The following HS3ST3A1 variants were observed in gnomAD, a reference collection of about 807,000 sequenced individuals.
HS3ST3A1 encodes the protein heparan sulfate-glucosamine 3-sulfotransferase 3A1.
HS3ST3A1 carries 19 observed loss-of-function variants against 25.7 expected under a neutral mutation model. The ratio of observed to expected loss-of-function variants is 0.74; its 90% CI spans 0.52 to 1.08. The LOEUF is 1.08. Ranked by LOEUF, HS3ST3A1 falls within the 50% of genes least tolerant of loss-of-function variation. The probability of loss-of-function intolerance (pLI) is 0.00; values close to 1 mark genes in which losing one functional copy is unlikely to be tolerated. For synonymous variants in HS3ST3A1, 226 were observed against 278.6 expected (o/e 0.81, Z 1.88); for missense variants, 459 against 594.3 (o/e 0.77, Z 2.37).
At chr17:13,509,267 G>T (rs1905784257) in intron 1 of HS3ST3A1, among the ~76,000 whole-genome samples, 1 of 152,100 alleles carries the variant, frequency 6.6e-6, no homozygotes, top group African/African-American at 2.4e-5. Flanking sequence ...ATATGAAAAT[G>T]ACATTTTCAG....
intron 1 of HS3ST3A1, among the ~76,000 whole-genome samples, chr17:13,548,982 C>A (rs529826959): frequency 3.1e-4 from 47 of 152,202 alleles, no homozygotes; most frequent in Non-Finnish European, 5.7e-4. Flanking sequence ...AAAAACTGGC[C>A]ACCCGAGCCC....
At chr17:13,570,749 G>A (rs1907782479) in intron 1 of HS3ST3A1, among the ~76,000 whole-genome samples, 1 of 152,084 alleles carries the variant, frequency 6.6e-6, no homozygotes, top group Non-Finnish European at 1.5e-5. Context: ...GGATTACGGG[G>A]GTGAGCCACT....
At chr17:13,570,343 G>C (rs937594134) in intron 1 of HS3ST3A1, among the ~76,000 whole-genome samples, 2 of 149,800 alleles carry the variant, frequency 1.3e-5, no homozygotes, top group Non-Finnish European at 2.9e-5. Flanking sequence ...TGTCCTAAAA[G>C]TGAAAAGAAT....
intron 1 of HS3ST3A1, among the ~76,000 whole-genome samples, chr17:13,541,396 A>G (rs1223409363): frequency 6.6e-6 from 1 of 151,848 alleles, no homozygotes; most frequent in African/African-American, 2.4e-5. Context: ...CCCCATTTCC[A>G]CCTCTTTTTA....
At position 13,504,255 on chromosome 17, in the gene HS3ST3A1, C is replaced by CGCA. The variant is rs1722582308; in HGVS notation, c.600-7440_600-7438dup. On this transcript the variant is annotated intron_variant, in intron 1 of 1. Transcript: ENST00000284110. The stretch of plus-strand genomic sequence containing the variant: ...TAACTTGAACCCAGGAAGTGGAGGT[C>CGCA]GCAGTGAGCTGAGATCACACCACTG... Among the ~76,000 whole-genome samples the CGCA allele has an allele frequency of 5.3e-5, 8 of 152,150 alleles. No individual in the cohort carries two copies. The South Asian group carries it at 1.7e-3, about 32-fold the overall frequency.
intron 1 of HS3ST3A1, among the ~76,000 whole-genome samples, chr17:13,510,700 T>C (rs1328256374): frequency 2.8e-5 from 4 of 145,016 alleles, no homozygotes; most frequent in Non-Finnish European, 6.1e-5. Flanking sequence ...AATATCTCAG[T>C]GTCCTTGATT....
intron 1 of HS3ST3A1, among the ~76,000 whole-genome samples, chr17:13,559,766 C>T (rs16948117): frequency 6.6e-6 from 1 of 151,856 alleles, no homozygotes; most frequent in Non-Finnish European, 1.5e-5. Context: ...GAAGCACAGG[C>T]TATCCCTAAG....
chr17:13,591,074 T>C (rs1908412345), intron 1 of HS3ST3A1, among the ~76,000 whole-genome samples: 1 of 145,144 alleles, frequency 6.9e-6, no homozygotes, highest in Admixed American at 6.9e-5. Context: ...TGAGACAGAG[T>C]CTCACTCTGT....
intron 1 of HS3ST3A1, among the ~76,000 whole-genome samples, chr17:13,540,139 G>A (rs776348930): frequency 1.6e-4 from 24 of 152,154 alleles, no homozygotes; most frequent in Non-Finnish European, 2.5e-4. Context: ...GAAAGTAAAC[G>A]ATTTCTTTCT....
intron 1 of HS3ST3A1, among the ~76,000 whole-genome samples, chr17:13,539,468 C>G (rs1906866856): frequency 6.6e-6 from 1 of 152,216 alleles, no homozygotes; most frequent in Non-Finnish European, 1.5e-5. Context: ...TTAGTGGTCA[C>G]TCTCCATAAT....
At chr17:13,585,785 C>A (rs146655821) in intron 1 of HS3ST3A1, among the ~76,000 whole-genome samples, 2,028 of 149,168 alleles carry the variant, frequency 0.014, 160 homozygotes, top group Admixed American at 0.13. Context: ...TTCCACTTTA[C>A]GTGTATGAAA....
rs1289462496 is a variant in HS3ST3A1, at chr17:13,579,865, G to A, written c.599+20666C>T. Among the ~76,000 whole-genome samples the A allele has an allele frequency of 4.1e-5, 6 of 146,334 alleles. No homozygotes were observed. The South Asian group carries it at 1.1e-3, about 26-fold the overall frequency. ...CGCTTGCCTGTAATCCCAGTTATTCGGGAGCCTGGGAGGCAGAGGTTGCAG... is the reference window on the plus strand; with the variant it reads ...CGCTTGCCTGTAATCCCAGTTATTCAGGAGCCTGGGAGGCAGAGGTTGCAG... On this transcript the variant is annotated intron_variant, in intron 1 of 1. Transcript: ENST00000284110.
rs60532842 is a variant in HS3ST3A1, at chr17:13,600,877, C to A, written c.253G>T (p.Ala85Ser). 17,991 of 1,464,872 alleles carry A rather than the reference C, an allele frequency of 0.012. 458 individuals are homozygous for A. Among genetic ancestry groups the A allele is most frequent in the East Asian group, 0.12 (4,103 of 34,664 alleles). The allele number at this position is 1,464,872 out of a possible 1,614,324, so 90.7% of individuals were successfully genotyped here. A position where few individuals can be genotyped will look rare whatever the true frequency, so the allele number is the denominator to read the frequency against. The change falls in exon 1 of 2, where the codon GCA (alanine) becomes TCA (serine). Residue 85 changes from alanine (A) to serine (S), a missense_variant. Physicochemically the swap from Ala to Ser is moderately conservative, Grantham distance 99 (BLOSUM62 1). This residue lies in a region of HS3ST3A1 where 346 missense variants were observed against 303.9 expected (regional missense o/e 1.14). Coordinates refer to ENST00000284110, the MANE Select transcript of HS3ST3A1 (RefSeq NM_006042.3). ...AGTTGCAGGAGGCGCTTTCTCTGTG[C>A]CGCCGCCGGCCACACCGCCAGCTCC... ...PRELAVWPAA[A>S]QRKRLLQLPQ...
At chr17:13,525,270 C>T (rs1906374064) in intron 1 of HS3ST3A1, among the ~76,000 whole-genome samples, 1 of 152,040 alleles carries the variant, frequency 6.6e-6, no homozygotes, top group Admixed American at 6.6e-5. Context: ...TTTCTTTATA[C>T]CTTAACCATA....
At chr17:13,568,030 A>T (rs1907718080) in intron 1 of HS3ST3A1, among the ~76,000 whole-genome samples, 1 of 152,198 alleles carries the variant, frequency 6.6e-6, no homozygotes, top group Non-Finnish European at 1.5e-5. Flanking sequence ...TGAAAGGAAG[A>T]GTGGATCAAT....
At chr17:13,596,635 T>G (rs968105326) in intron 1 of HS3ST3A1, among the ~76,000 whole-genome samples, 2 of 152,042 alleles carry the variant, frequency 1.3e-5, no homozygotes, top group African/African-American at 4.8e-5. Flanking sequence ...AACATCTCAC[T>G]CTCTTCCTAG....
At chr17:13,544,951 C>T (rs182383015) in intron 1 of HS3ST3A1, among the ~76,000 whole-genome samples, 3 of 152,254 alleles carry the variant, frequency 2.0e-5, no homozygotes, top group East Asian at 3.9e-4. Flanking sequence ...TGGGCAATTC[C>T]CCCCAGAACA....
intron 1 of HS3ST3A1, among the ~76,000 whole-genome samples, chr17:13,526,777 A>G (rs1906445332): frequency 6.6e-6 from 1 of 151,772 alleles, no homozygotes; most frequent in South Asian, 2.1e-4. Context: ...CCTCCCGAGT[A>G]GCTGGGATTA....
intron 1 of HS3ST3A1, among the ~76,000 whole-genome samples, chr17:13,569,123 A>C (rs1051609458): frequency 2.0e-5 from 3 of 152,160 alleles, no homozygotes; most frequent in African/African-American, 7.2e-5. Flanking sequence ...CTCCAGGGGC[A>C]AATGCAGGCA....
Sources: gnomAD v4.1 joint callset for allele counts (sites outside exome capture counted in the v4.1 genomes callset) on GRCh38, gnomAD v4.1.1 for gene constraint, gnomAD v4.1.1 regional missense constraint, MANE v1.5 for transcripts, NCBI Gene and HGNC (gene_info 2026-07-23, HGNC 2026-07-21) for gene names.